GRID2: variants seen among roughly 807,000 people sequenced by gnomAD.
The protein encoded by GRID2 is glutamate ionotropic receptor delta type subunit 2.
A neutral mutation model predicts 114.8 loss-of-function variants in GRID2; 33 were observed. The ratio of observed to expected loss-of-function variants is 0.29; its 90% CI spans 0.22 to 0.38. GRID2 has a LOEUF of 0.38. Ranked by LOEUF, GRID2 falls within the 10% of genes least tolerant of loss-of-function variation. GRID2 has a pLI of 1.00. For missense variants in GRID2, 1,184 were observed against 1,257.7 expected (o/e 0.94, Z 0.89); for synonymous variants, 505 against 449.9 (o/e 1.12, Z -1.55).
At chr4:93,069,556 G>A (rs1383197102) in intron 2 of GRID2, among the ~76,000 whole-genome samples, 1 of 152,018 alleles carries the variant, frequency 6.6e-6, no homozygotes, top group African/African-American at 2.4e-5. Context: ...TGAATCCTGA[G>A]TATGTAAAGC....
chr4:92,411,647 GTGTGTGTGTATA>G (rs1381497778), intron 1 of GRID2, among the ~76,000 whole-genome samples: 1 of 87,272 alleles, frequency 1.1e-5, no homozygotes, highest in Non-Finnish European at 2.4e-5. Flanking sequence ...GTGTGTGTGT[GTGTGTGTGTATA>G]TATATATATA....
At chr4:93,246,586 CAAAAAAAA>C (rs34526471) in intron 8 of GRID2, among the ~76,000 whole-genome samples, 1 of 102,096 alleles carries the variant, frequency 9.8e-6, no homozygotes, top group African/African-American at 3.3e-5. Context: ...GACTCCTTCT[CAAAAAAAA>C]AAAAAGAAAA....
chr4:92,984,497 C>T (rs1415623014), intron 2 of GRID2, among the ~76,000 whole-genome samples: 2 of 152,204 alleles, frequency 1.3e-5, no homozygotes, highest in African/African-American at 2.4e-5. Flanking sequence ...AGTACAGTTG[C>T]TCCATCATTT....
chr4:93,065,273 G>A (rs546845654), intron 2 of GRID2, among the ~76,000 whole-genome samples: 61 of 151,872 alleles, frequency 4.0e-4, no homozygotes, highest in Non-Finnish European at 4.9e-4. Context: ...TTTAAATTCT[G>A]ATTAAAAAAC....
intron 1 of GRID2, among the ~76,000 whole-genome samples, chr4:92,309,974 C>T (rs1016677254): frequency 5.3e-5 from 8 of 150,976 alleles, no homozygotes; most frequent in African/African-American, 1.9e-4. Flanking sequence ...GTTTTTGAGA[C>T]AAAACATATG....
intron 8 of GRID2, among the ~76,000 whole-genome samples, chr4:93,382,939 G>C (rs113327448): frequency 0.012 from 1,869 of 151,668 alleles, 43 homozygotes; most frequent in African/African-American, 0.043. Context: ...TTGTAGACTA[G>C]ACTGTCTCTG....
At chr4:92,678,616 T>G (rs1733499274) in intron 2 of GRID2, among the ~76,000 whole-genome samples, 1 of 151,832 alleles carries the variant, frequency 6.6e-6, no homozygotes. Context: ...TAGTTGGTGT[T>G]ACTTTTTTTA....
In GRID2 at chr4:93,300,510, G is replaced by C. The variant is rs188815229; in HGVS notation, c.1245+62020G>C. 2.6e-5 allele frequency among the ~76,000 whole-genome samples: 4 copies of C among 152,280 alleles called. No individual in the cohort carries two copies. In the East Asian group the frequency reaches 7.7e-4, roughly 29 times the overall value. ...CAGCCTTGATCTGTGTTGAGGTACA[G>C]CACTTTTACCCATGTCAGCTTTTGC... On this transcript the variant is annotated intron_variant, in intron 8 of 15. Transcript: ENST00000282020.
intron 13 of GRID2, among the ~76,000 whole-genome samples, chr4:93,594,900 C>A (rs1352667866): frequency 4.6e-5 from 7 of 152,078 alleles, no homozygotes; most frequent in Non-Finnish European, 1.0e-4. Context: ...CAATGCCTCG[C>A]CCTGCTTCGG....
intron 14 of GRID2, among the ~76,000 whole-genome samples, chr4:93,695,075 G>A (rs1039325101): frequency 2.0e-5 from 3 of 151,878 alleles, no homozygotes; most frequent in African/African-American, 7.3e-5. Flanking sequence ...GGAGGCTGAG[G>A]CAGGAGAACT....
chr4:92,678,074 C>A (rs1733465860), intron 2 of GRID2, among the ~76,000 whole-genome samples: 1 of 151,684 alleles, frequency 6.6e-6, no homozygotes, highest in Non-Finnish European at 1.5e-5. Flanking sequence ...TAACTGTTTG[C>A]CCTCAAATAT....
chr4:93,782,892 TACACACACACAC>T (rs57202855), intron 1 of GRID2, among the ~76,000 whole-genome samples: 12 of 149,854 alleles, frequency 8.0e-5, no homozygotes, highest in African/African-American at 1.5e-4. Flanking sequence ...CCATGAATCA[TACACACACACAC>T]ACACACACAC....
At chr4:93,241,487 G>C (rs1258954602) in intron 8 of GRID2, among the ~76,000 whole-genome samples, 1 of 151,584 alleles carries the variant, frequency 6.6e-6, no homozygotes, top group Non-Finnish European at 1.5e-5. Context: ...CCTGGGATAT[G>C]CATAATTTTA....
At position 92,524,546 on chromosome 4, in the gene GRID2, T is replaced by C. The variant is rs940333662; in HGVS notation, c.89-65585T>C. 3.3e-5 allele frequency among the ~76,000 whole-genome samples: 5 copies of C among 151,644 alleles called. No individual in the cohort carries two copies. In the South Asian group the frequency reaches 8.3e-4, roughly 25 times the overall value. On this transcript the variant is annotated intron_variant, in intron 1 of 15. Transcript: ENST00000282020. ...CAATGCACTGACCATGACTCTTTTG[T>C]CTCTCTCTTCCACATTGAAAGGATC... is the stretch of plus-strand genomic sequence containing the variant.
intron 14 of GRID2, among the ~76,000 whole-genome samples, chr4:93,653,602 T>C (rs1722768980): frequency 6.6e-6 from 1 of 152,016 alleles, no homozygotes; most frequent in South Asian, 2.1e-4. Flanking sequence ...ATAAACTGCC[T>C]TCTAAATGTA....
intron 8 of GRID2, among the ~76,000 whole-genome samples, chr4:93,359,660 T>C (rs1319961987): frequency 2.0e-5 from 3 of 150,334 alleles, no homozygotes; most frequent in Admixed American, 1.3e-4. Context: ...AGTGAGAACA[T>C]GTGATGTTTA....
intron 3 of GRID2, among the ~76,000 whole-genome samples, chr4:93,105,227 G>A (rs1457915474): frequency 5.9e-5 from 9 of 151,926 alleles, no homozygotes; most frequent in Non-Finnish European, 1.0e-4. Context: ...AGATGAGTAG[G>A]TTGCGAAAAT....
rs569113818 is a variant in GRID2 at position 92,938,652 on chromosome 4, G to A, written c.245-146343G>A. ...ATATGTATACATGTACCATGTTGGC[G>A]TGCTGAATCCATTAACTCCTCATTT... On this transcript the variant is annotated intron_variant, in intron 2 of 15. Coordinates refer to ENST00000282020, the MANE Select transcript of GRID2 (RefSeq NM_001510.4). Among the ~76,000 whole-genome samples, 26 of 146,124 alleles carry A rather than the reference G, an allele frequency of 1.8e-4. 1 individual carries two copies. The highest frequency in any genetic ancestry group is 6.1e-4 in the African/African-American group (25 of 41,166).
At chr4:92,948,220 A>G (rs998859154) in intron 2 of GRID2, among the ~76,000 whole-genome samples, 1 of 151,956 alleles carries the variant, frequency 6.6e-6, no homozygotes, top group African/African-American at 2.4e-5. Flanking sequence ...AGGTAAAATT[A>G]TAATATGTTA....
Sources: allele counts gnomAD v4.1 joint callset (sites outside exome capture counted in the v4.1 genomes callset), GRCh38; gene constraint gnomAD v4.1.1; transcripts MANE v1.5; gene names NCBI Gene and HGNC (gene_info 2026-07-23, HGNC 2026-07-21).